The following PCDH7 variants were observed in gnomAD, a reference collection of about 807,000 sequenced individuals.
PCDH7 encodes the protein protocadherin-7.
PCDH7 carries 17 observed loss-of-function variants against 58.9 expected under a neutral mutation model. The ratio of observed to expected loss-of-function variants is 0.29; its 90% CI spans 0.20 to 0.43. PCDH7 has a LOEUF of 0.43. Ranked by LOEUF, PCDH7 falls within the 20% of genes least tolerant of loss-of-function variation. PCDH7 has a pLI of 1.00. For missense variants in PCDH7, 1,274 were observed against 1,441.0 expected (o/e 0.88, Z 1.88); for synonymous variants, 664 against 616.4 (o/e 1.08, Z -1.14).
Position 31,079,309 on chromosome 4 carries a change from GATATATATATATATATATATATATATAT to G in PCDH7, c.*8-63136_*8-63109del, listed in dbSNP as rs149501069. 6.4e-3 allele frequency among the ~76,000 whole-genome samples: 430 copies of G among 67,476 alleles called. 5 individuals are homozygous for G. The highest frequency in any genetic ancestry group is 0.013 in the Middle Eastern group (1 of 76). 44.3% of individuals were successfully genotyped at this position (67,476 alleles called of 152,430 possible). ...GTAAAAGATATTTACAATACTGGAAGATATATATATATATATATATATATATATATATATATATATATATATATATATA... is the reference window on the plus strand; with the variant it reads ...GTAAAAGATATTTACAATACTGGAAGATATATATATATATATATATATATA... On this transcript the variant is annotated intron_variant, in intron 3 of 3. Coordinates refer to the PCDH7 transcript ENST00000509759.
At position 31,033,888 on chromosome 4, in the gene PCDH7, GT is replaced by G. The variant is rs1487090595; in HGVS notation, c.*7+83675del. Reference sequence around the variant, plus strand: ...GTGGGCAGATCACCGGAGGTCAGGAGTTCGAGACCAGCCTAGCCAACATGGT... The same window carrying G: ...GTGGGCAGATCACCGGAGGTCAGGAGTCGAGACCAGCCTAGCCAACATGGT... On this transcript the variant is annotated intron_variant, in intron 3 of 3. Coordinates refer to the PCDH7 transcript ENST00000509759. Among the ~76,000 whole-genome samples the G allele has an allele frequency of 1.4e-4, 21 of 152,244 alleles. No homozygotes were observed. In the East Asian group the frequency reaches 3.7e-3, roughly 27 times the overall value.
chr4:30,945,216 T>C (rs1560523501), intron 2 of PCDH7, among the ~76,000 whole-genome samples: 1 of 152,086 alleles, frequency 6.6e-6, no homozygotes. Flanking sequence ...TTTAAACATA[T>C]GCTACTATTA....
chr4:31,027,103 C>A (rs1049516224), intron 3 of PCDH7, among the ~76,000 whole-genome samples: 1 of 152,118 alleles, frequency 6.6e-6, no homozygotes, highest in African/African-American at 2.4e-5. Flanking sequence ...AAACCCAGCC[C>A]CAGCTTTGCT....
At chr4:30,967,128 G>T (rs1334398439) in intron 3 of PCDH7, among the ~76,000 whole-genome samples, 1 of 151,948 alleles carries the variant, frequency 6.6e-6, no homozygotes, top group East Asian at 1.9e-4. Context: ...AACTTAAAAA[G>T]TTGTTTTAAA....
intron 3 of PCDH7, among the ~76,000 whole-genome samples, chr4:31,047,866 G>T (rs1395673544): frequency 6.6e-6 from 1 of 152,054 alleles, no homozygotes; most frequent in Non-Finnish European, 1.5e-5. Flanking sequence ...AAAGTGATAA[G>T]TTCCCACTTG....
At chr4:30,938,481 TACACACACAC>T (rs35485597) in intron 2 of PCDH7, among the ~76,000 whole-genome samples, 1 of 148,620 alleles carries the variant, frequency 6.7e-6, no homozygotes, top group Non-Finnish European at 1.5e-5. Context: ...GGGAAAAACA[TACACACACAC>T]ACACACACAC....
At chr4:30,764,305 G>A (rs958633059) in intron 1 of PCDH7, among the ~76,000 whole-genome samples, 1 of 152,102 alleles carries the variant, frequency 6.6e-6, no homozygotes, top group Non-Finnish European at 1.5e-5. Flanking sequence ...TCAGATCAAG[G>A]TGCAATGCGT....
At chr4:31,111,193 CT>C (rs1466659182) in intron 3 of PCDH7, among the ~76,000 whole-genome samples, 1 of 151,510 alleles carries the variant, frequency 6.6e-6, no homozygotes, top group Non-Finnish European at 1.5e-5. Flanking sequence ...CTTGATGTAC[CT>C]TATATGTAGC....
intron 3 of PCDH7, among the ~76,000 whole-genome samples, chr4:30,951,264 C>T (rs979469710): frequency 2.0e-5 from 3 of 152,058 alleles, no homozygotes; most frequent in Non-Finnish European, 4.4e-5. Context: ...ACATTTTCAC[C>T]GAACATTAAA....
At chr4:30,989,940 A>G (rs1183840264) in intron 3 of PCDH7, among the ~76,000 whole-genome samples, 1 of 152,160 alleles carries the variant, frequency 6.6e-6, no homozygotes, top group East Asian at 1.9e-4. Flanking sequence ...TTCACATGCC[A>G]TTGACTTTTC....
intron 3 of PCDH7, among the ~76,000 whole-genome samples, chr4:31,127,136 C>T (rs1248998525): frequency 1.3e-5 from 2 of 152,080 alleles, no homozygotes; most frequent in Non-Finnish European, 2.9e-5. Flanking sequence ...ATGGTGGAGA[C>T]GAATAGTTGA....
chr4:31,097,632 A>ATG (rs1714297492), intron 3 of PCDH7, among the ~76,000 whole-genome samples: 1 of 42,066 alleles, frequency 2.4e-5, no homozygotes, highest in Non-Finnish European at 3.6e-5. Flanking sequence ...ATATATATAT[A>ATG]TATATAAATC....
chr4:31,102,562 A>T (rs562787225), intron 3 of PCDH7, among the ~76,000 whole-genome samples: 1 of 152,192 alleles, frequency 6.6e-6, no homozygotes, highest in South Asian at 2.1e-4. Context: ...GTCTCTACTA[A>T]AAATACAAAA....
At chr4:30,945,689 A>C (rs1190801084) in intron 2 of PCDH7, among the ~76,000 whole-genome samples, 1 of 152,056 alleles carries the variant, frequency 6.6e-6, no homozygotes, top group African/African-American at 2.4e-5. Context: ...TGCACTTTGT[A>C]ATTTGAAAAT....
intron 3 of PCDH7, among the ~76,000 whole-genome samples, chr4:31,125,031 C>A (rs1718132905): frequency 6.6e-6 from 1 of 152,126 alleles, no homozygotes; most frequent in Admixed American, 6.6e-5. Flanking sequence ...GGTCTTCTTG[C>A]CATGTAGGAT....
At chr4:31,016,321 T>G (rs959390144) in intron 3 of PCDH7, among the ~76,000 whole-genome samples, 16 of 152,148 alleles carry the variant, frequency 1.1e-4, no homozygotes, top group African/African-American at 3.9e-4. Flanking sequence ...CTTCAGAAAA[T>G]TTGGCTCCTG....
At chr4:30,894,480 A>ATATAT (rs1485550529) in intron 1 of PCDH7, among the ~76,000 whole-genome samples, 1 of 55,254 alleles carries the variant, frequency 1.8e-5, no homozygotes, top group African/African-American at 7.1e-5. Flanking sequence ...AAAAAAAAAA[A>ATATAT]AAAAAAAAAA....
At chr4:30,725,958 C>G (rs370290264) in intron 1 of PCDH7, among the ~76,000 whole-genome samples, 21 of 152,004 alleles carry the variant, frequency 1.4e-4, no homozygotes, top group Non-Finnish European at 2.4e-4. Context: ...TATCTAATAA[C>G]AAATGCAATC....
chr4:31,058,360 T>C (rs183036962), intron 3 of PCDH7, among the ~76,000 whole-genome samples: 12 of 152,154 alleles, frequency 7.9e-5, no homozygotes, highest in African/African-American at 9.6e-5. Context: ...TCTTAAATAA[T>C]GTTGATGCCT....
Sources: gnomAD v4.1 joint callset for allele counts (sites outside exome capture counted in the v4.1 genomes callset) on GRCh38, gnomAD v4.1.1 for gene constraint, MANE v1.5 for transcripts, NCBI Gene and HGNC (gene_info 2026-07-23, HGNC 2026-07-21) for gene names.